CR1: variants seen among roughly 807,000 people sequenced by gnomAD.
CR1 encodes the protein complement C3b/C4b receptor 1 (Knops blood group).
Under a neutral mutation model 187.3 loss-of-function variants are expected in CR1, and 116 were observed. That is an observed-to-expected ratio of 0.62 (90% CI 0.53 to 0.72). The LOEUF (loss-of-function observed/expected upper bound fraction) is 0.72, where lower values mean the gene tolerates loss of function less well. Ranked by LOEUF, CR1 falls within the 30% of genes least tolerant of loss-of-function variation. The probability of loss-of-function intolerance (pLI) is 0.00; values close to 1 mark genes in which losing one functional copy is unlikely to be tolerated. For missense variants in CR1, 1,731 were observed against 2,110.7 expected, an observed-to-expected ratio of 0.82 and a Z score of 3.52; for synonymous variants, 576 against 747.1, an observed-to-expected ratio of 0.77 and a Z score of 3.73.
chr1:207,499,181 T>G (rs906307797), intron 1 of CR1, among the ~76,000 whole-genome samples: 2 of 152,190 alleles, frequency 1.3e-5, no homozygotes, highest in African/African-American at 4.8e-5. Flanking sequence ...ACCATGCTAA[T>G]GCTAGTCACA....
At chr1:207,513,864 A>G (rs1558219572) in intron 4 of CR1, among the ~76,000 whole-genome samples, 1 of 151,270 alleles carries the variant, frequency 6.6e-6, no homozygotes, top group Non-Finnish European at 1.5e-5. Flanking sequence ...CCAGTATAAC[A>G]TTGAACATTG....
chr1:207,496,393 G>C lies in CR1; in HGVS notation c.121+5G>C. The stretch of plus-strand genomic sequence containing the variant: ...TTGCGCTGCCGGTGGCCTGGGGTGA[G>C]AGGCGGGCGGGCGTGGGGAGGCGCC... On this transcript the variant is annotated splice_donor_5th_base_variant and intron_variant, in intron 1 of 46. Transcript: ENST00000367049. The C allele has an allele frequency of 6.2e-7, 1 of 1,605,486 alleles. No individual in the cohort carries two copies.
chr1:207,573,266 C>T (rs960839522), intron 27 of CR1, among the ~76,000 whole-genome samples: 1 of 152,178 alleles, frequency 6.6e-6, no homozygotes, highest in African/African-American at 2.4e-5. Flanking sequence ...ATGTTTGTGT[C>T]ACCACAACAG....
chr1:207,618,158 T>C lies in CR1; in HGVS notation c.6977T>C (p.Ile2326Thr), dbSNP rs1428355347. Residue 2326 changes from isoleucine to threonine, a missense_variant, in exon 42 of 47, where the codon ATT (isoleucine) becomes ACT (threonine). Around this residue, in one of 5 missense-constraint regions of CR1, gnomAD observed 1,312 missense variants for 1,379.6 expected, o/e 0.95. Coordinates refer to ENST00000367049, the MANE Select transcript of CR1 (RefSeq NM_000651.6). ...LYLPGMTISYICDPGYLLVGK... is the reference protein window; with the variant it reads ...LYLPGMTISYTCDPGYLLVGK... ...CTTCCTGGGATGACAATCAGCTACA[T>C]TTGTGACCCCGGCTACCTGTTAGTG... 6.2e-7 allele frequency: 1 copy of C among 1,613,920 alleles called. No homozygotes were observed. Among genetic ancestry groups the C allele is most frequent in the South Asian group, 1.1e-5 (1 of 91,068 alleles).
intron 42 of CR1, among the ~76,000 whole-genome samples, chr1:207,619,263 G>A (rs1230843289): frequency 2.5e-4 from 38 of 149,676 alleles, no homozygotes; most frequent in Non-Finnish European, 7.4e-5. Flanking sequence ...CATGCCTGTC[G>A]TCCCACCTAC....
intron 1 of CR1, among the ~76,000 whole-genome samples, chr1:207,498,877 C>CAAAAAAAAAAAAAAAAAAAAA (rs56044498): frequency 2.6e-4 from 13 of 50,096 alleles, no homozygotes; most frequent in African/African-American, 2.8e-4. Flanking sequence ...AACTCCAAAT[C>CAAAAAAAAAAAAAAAAAAAAA]AAAAAAAAAA....
intron 35 of CR1, among the ~76,000 whole-genome samples, chr1:207,605,518 T>A (rs930020314): frequency 2.5e-5 from 3 of 118,952 alleles, no homozygotes; most frequent in East Asian, 4.3e-4. Flanking sequence ...TAAAAAATAT[T>A]CACTGTGTTT....
intron 46 of CR1, among the ~76,000 whole-genome samples, chr1:207,637,508 G>A (rs534505973): frequency 1.4e-4 from 21 of 152,218 alleles, no homozygotes; most frequent in Non-Finnish European, 2.2e-4. Flanking sequence ...TAATTTACCC[G>A]TGGCCTGAGT....
At chr1:207,592,591 C>A (rs1375070693) in intron 35 of CR1, among the ~76,000 whole-genome samples, 1 of 152,084 alleles carries the variant, frequency 6.6e-6, no homozygotes, top group African/African-American at 2.4e-5. Context: ...GAAGCTCTGG[C>A]CAGGGCAATC....
At position 207,620,273 on chromosome 1, in the gene CR1, C is replaced by CT. The variant is rs369390754; in HGVS notation, c.7252+214dup. ...CATACTTCTCACTGCAGCTCTGCAC[C>CT]TTTTTTGTCTATATCACTTTGTGGT... On this transcript the variant is annotated intron_variant, in intron 43 of 46. Transcript: ENST00000367049. Among the ~76,000 whole-genome samples, 314 of 152,276 alleles carry CT rather than the reference C, an allele frequency of 2.1e-3. 5 individuals carry two copies. Among genetic ancestry groups the CT allele is most frequent in the Admixed American group, 0.015 (236 of 15,296 alleles).
chr1:207,512,133 G>C (rs937821244), intron 4 of CR1, among the ~76,000 whole-genome samples: 3 of 152,126 alleles, frequency 2.0e-5, no homozygotes, highest in Non-Finnish European at 2.9e-5. Flanking sequence ...TTATACTTAG[G>C]AAATAATCAC....
At chr1:207,506,310 G>GA (rs1355654850) in intron 2 of CR1, among the ~76,000 whole-genome samples, 3 of 152,186 alleles carry the variant, frequency 2.0e-5, no homozygotes, top group African/African-American at 4.8e-5. Context: ...ATGATTGAGG[G>GA]AAAATCCCCA....
chr1:207,605,388 T>C (rs1571585894), intron 35 of CR1, among the ~76,000 whole-genome samples: 1 of 147,384 alleles, frequency 6.8e-6, no homozygotes, highest in South Asian at 2.1e-4. Context: ...ATATGAGAGG[T>C]GACGGACATG....
intron 28 of CR1, among the ~76,000 whole-genome samples, chr1:207,575,988 A>G (rs948887334): frequency 6.6e-6 from 1 of 152,224 alleles, no homozygotes; most frequent in African/African-American, 2.4e-5. Flanking sequence ...AGTGAAGTCA[A>G]CAAATACAAA....
chr1:207,639,065 G>C (rs1662903238), intron 46 of CR1, among the ~76,000 whole-genome samples: 1 of 152,232 alleles, frequency 6.6e-6, no homozygotes, highest in Admixed American at 6.5e-5. Flanking sequence ...CGGGGCCTGA[G>C]GCTGGCCCCT....
At position 207,506,069 on chromosome 1, in the gene CR1, A is replaced by T; in HGVS notation, c.287A>T (p.Lys96Met). Residue 96 changes from lysine (K) to methionine (M), a missense_variant, in exon 2 of 47, where the codon AAG becomes ATG. This residue lies in a region of CR1 where 237 missense variants were observed against 240.4 expected (regional missense o/e 0.99). Coordinates refer to ENST00000367049, the MANE Select transcript of CR1 (RefSeq NM_000651.6). ...AAAAACTCAGTCTGGACTGGTGCTA[A>T]GGACAGGTGCAGACGTAAGTAACTC... ...CLKNSVWTGA[K>M]DRCRRKSCRN... 1 of 1,613,930 alleles carries T rather than the reference A, an allele frequency of 6.2e-7. No homozygotes were observed. Among genetic ancestry groups the T allele is most frequent in the South Asian group, 1.1e-5 (1 of 91,078 alleles).
At chr1:207,503,424 G>A (rs1417678940) in intron 1 of CR1, among the ~76,000 whole-genome samples, 1 of 152,136 alleles carries the variant, frequency 6.6e-6, no homozygotes, top group Non-Finnish European at 1.5e-5. Context: ...TCTGGAGGCT[G>A]ACGTCTAAAA....
chr1:207,579,506 C>T (rs1043257798), intron 29 of CR1, among the ~76,000 whole-genome samples: 4 of 152,164 alleles, frequency 2.6e-5, no homozygotes, highest in Admixed American at 6.5e-5. Flanking sequence ...CAGCAGATGG[C>T]GATGAAAGCA....
intron 4 of CR1, among the ~76,000 whole-genome samples, chr1:207,521,694 A>G (rs1325055663): frequency 1.5e-5 from 2 of 133,170 alleles, no homozygotes; most frequent in African/African-American, 2.9e-5. Flanking sequence ...GCACAGTAGC[A>G]TAATCATAGC....
Sources: gnomAD v4.1 joint callset for allele counts (sites outside exome capture counted in the v4.1 genomes callset) on GRCh38, gnomAD v4.1.1 for gene constraint, gnomAD v4.1.1 regional missense constraint, MANE v1.5 for transcripts, NCBI Gene and HGNC (gene_info 2026-07-23, HGNC 2026-07-21) for gene names.